HARBI1: variants seen among roughly 807,000 people sequenced by gnomAD.
HARBI1 encodes the protein harbinger transposase derived 1, also known as putative nuclease HARBI1.
Under a neutral mutation model 25.3 loss-of-function variants are expected in HARBI1, and 15 were observed. That is an observed-to-expected ratio of 0.59 (90% CI 0.40 to 0.91). The LOEUF is 0.91. HARBI1 is among the 40% of genes least tolerant of loss of function. HARBI1 has a pLI of 0.00. For missense variants in HARBI1, 396 were observed against 445.8 expected (o/e 0.89, Z 1.01); for synonymous variants, 168 against 160.5 (o/e 1.05, Z -0.35).
intron 2 of HARBI1, among the ~76,000 whole-genome samples, chr11:46,607,259 CAAAAAAAAAAA>C (rs149824275): frequency 1.4e-5 from 1 of 71,708 alleles, no homozygotes; most frequent in Non-Finnish European, 2.9e-5. Flanking sequence ...GAGACTGTCT[CAAAAAAAAAAA>C]AAAAAAAAAG....
chr11:46,614,763 T>C (rs1398095013), intron 2 of HARBI1, among the ~76,000 whole-genome samples: 1 of 152,134 alleles, frequency 6.6e-6, no homozygotes, highest in Non-Finnish European at 1.5e-5. Flanking sequence ...TCTAACAGTA[T>C]GCTTTAAAGT....
chr11:46,613,142 G>A (rs1412671078), intron 2 of HARBI1, among the ~76,000 whole-genome samples: 1 of 151,546 alleles, frequency 6.6e-6, no homozygotes, highest in East Asian at 1.9e-4. Context: ...ACCATGTCCA[G>A]CTAAATTTTG....
intron 2 of HARBI1, among the ~76,000 whole-genome samples, chr11:46,614,225 C>G (rs1229216506): frequency 6.6e-6 from 1 of 151,464 alleles, no homozygotes; most frequent in East Asian, 1.9e-4. Flanking sequence ...GTTGGGAGTT[C>G]GAGAGCAGCC....
Position 46,603,814 on chromosome 11 carries a change from T to C in HARBI1, c.766A>G (p.Thr256Ala), listed in dbSNP as rs1170589588. The change falls in exon 3 of 3, where the codon ACT becomes GCT. Residue 256 changes from threonine (T) to alanine (A), a missense_variant. Physicochemically the swap from Thr to Ala is moderately conservative, Grantham distance 58. Transcript: ENST00000326737. ...EYRYNMAHSA[T>A]HSVIEKTFRT... ...AAAGTCTTCTCAATCACACTGTGAG[T>C]TGCAGAATGGGCCATGTTATAGCGA... 13 of 1,614,018 alleles carry C rather than the reference T, an allele frequency of 8.1e-6. No homozygotes were observed. The highest frequency in any genetic ancestry group is 1.6e-4 in the Middle Eastern group (1 of 6,084).
intron 2 of HARBI1, among the ~76,000 whole-genome samples, chr11:46,614,602 GA>G (rs1448435186): frequency 8.6e-5 from 13 of 151,714 alleles, no homozygotes; most frequent in South Asian, 2.1e-4. Context: ...AATAAAATAA[GA>G]AAAAAAAGTT....
In HARBI1 at chr11:46,605,045, C is replaced by T. The variant is rs547226753; in HGVS notation, c.671-1136G>A. Among the ~76,000 whole-genome samples, 8 of 152,236 alleles carry T rather than the reference C, an allele frequency of 5.3e-5. No individual in the cohort carries two copies. The South Asian group carries it at 1.7e-3, about 32-fold the overall frequency. ...CACTACATCTGGCAGATGAGATGTC[C>T]CGCACAGAGGCAAAACCTCTTAGAA... On this transcript the variant is annotated intron_variant, in intron 2 of 2. Transcript: ENST00000326737.
chr11:46,604,826 G>A (rs577046746), intron 2 of HARBI1, among the ~76,000 whole-genome samples: 1 of 152,272 alleles, frequency 6.6e-6, no homozygotes, highest in Admixed American at 6.5e-5. Flanking sequence ...CATGCAAATA[G>A]TAATAGTTGG....
chr11:46,616,995 C>A (rs778313910), intron 1 of HARBI1, 129 bp downstream of exon 1: 2 of 985,206 alleles, frequency 2.0e-6, no homozygotes, highest in Non-Finnish European at 2.4e-6. Context: ...CATTGGAAGT[C>A]GGGAGCGAAA....
At chr11:46,607,856 G>C (rs1348936639) in intron 2 of HARBI1, among the ~76,000 whole-genome samples, 1 of 147,216 alleles carries the variant, frequency 6.8e-6, no homozygotes, top group Non-Finnish European at 1.5e-5. Context: ...AATGCATTCT[G>C]AAGGGACAGA....
At chr11:46,615,350 T>C (rs957433137) in intron 2 of HARBI1, among the ~76,000 whole-genome samples, 6 of 151,686 alleles carry the variant, frequency 4.0e-5, no homozygotes, top group East Asian at 3.9e-4. Context: ...GCCTCCCGAG[T>C]AGCTGGAACT....
intron 2 of HARBI1, among the ~76,000 whole-genome samples, chr11:46,605,350 G>A (rs1442261776): frequency 6.6e-6 from 1 of 151,966 alleles, no homozygotes; most frequent in Non-Finnish European, 1.5e-5. Context: ...CCACAGGCAT[G>A]CGCCACCATG....
intron 1 of HARBI1, 166 bp downstream of exon 1, chr11:46,616,958 G>A: frequency 1.0e-6 from 1 of 984,822 alleles, no homozygotes; most frequent in Non-Finnish European, 1.2e-6. Context: ...GTGAACCTGA[G>A]GGCCAGGAAG....
chr11:46,612,078 G>C (rs1034106208), intron 2 of HARBI1, among the ~76,000 whole-genome samples: 8 of 152,172 alleles, frequency 5.3e-5, no homozygotes, highest in African/African-American at 1.9e-4. Flanking sequence ...TAAAGTGCTA[G>C]TAAACATGTT....
At chr11:46,606,382 G>A (rs1227609972) in intron 2 of HARBI1, among the ~76,000 whole-genome samples, 4 of 150,542 alleles carry the variant, frequency 2.7e-5, no homozygotes, top group African/African-American at 7.4e-5. Flanking sequence ...GTGCAATCTC[G>A]GCTCACTGCA....
intron 1 of HARBI1, chr11:46,616,779 A>T: frequency 1.0e-6 from 1 of 983,226 alleles, no homozygotes; most frequent in Non-Finnish European, 1.2e-6. Flanking sequence ...CACCTGACAA[A>T]TACAGGACAG....
intron 2 of HARBI1, among the ~76,000 whole-genome samples, chr11:46,610,386 G>A (rs1440047654): frequency 2.0e-5 from 3 of 150,320 alleles, no homozygotes; most frequent in Admixed American, 2.0e-4. Flanking sequence ...AAGGCCAGGC[G>A]CGGTGGGCTC....
At position 46,615,752 on chromosome 11, in the gene HARBI1, GT is replaced by G. The variant is rs1334859097; in HGVS notation, c.485del (p.Asp162AlafsTer5). On this transcript the variant is annotated frameshift_variant, in exon 2 of 3. Transcript: ENST00000326737. LOFTEE classifies it high-confidence loss of function. ...HVAIKAPNAE[D>X]LSYVNRKGLH... ...GGCCTTTTCGGTTCACATAGGAGAG[GT>G]CTTCAGCATTTGGTGCCTTGATGGC... is the stretch of plus-strand genomic sequence containing the variant. 4 of 1,614,034 alleles carry G rather than the reference GT, an allele frequency of 2.5e-6. No individual in the cohort carries two copies. Among genetic ancestry groups the G allele is most frequent in the African/African-American group, 1.3e-5 (1 of 74,904 alleles).
chr11:46,605,573 CT>C (rs1485551279), intron 2 of HARBI1, among the ~76,000 whole-genome samples: 2 of 150,564 alleles, frequency 1.3e-5, no homozygotes, highest in Non-Finnish European at 2.9e-5. Flanking sequence ...GACTTTTCCC[CT>C]CCCAGGTATA....
chr11:46,611,747 A>G (rs1340484677), intron 2 of HARBI1, among the ~76,000 whole-genome samples: 1 of 151,888 alleles, frequency 6.6e-6, no homozygotes, highest in Non-Finnish European at 1.5e-5. Context: ...CAAAGTGAAG[A>G]GATTCATAAG....
Sources: allele counts gnomAD v4.1 joint callset (sites outside exome capture counted in the v4.1 genomes callset), GRCh38; gene constraint gnomAD v4.1.1; transcripts MANE v1.5; gene names NCBI Gene and HGNC (gene_info 2026-07-23, HGNC 2026-07-21).